PDZD2: variants seen among roughly 807,000 people sequenced by gnomAD.
PDZD2 encodes the protein PDZ domain containing 2.
PDZD2 carries 90 observed loss-of-function variants against 220.7 expected under a neutral mutation model. That is an observed-to-expected ratio of 0.41 (90% CI 0.34 to 0.49). PDZD2 has a LOEUF of 0.49. Ranked by LOEUF, PDZD2 falls within the 20% of genes least tolerant of loss-of-function variation. The pLI, the probability that PDZD2 is intolerant of heterozygous loss-of-function variation, is 0.28. For synonymous variants in PDZD2, 1,375 were observed against 1,450.5 expected (o/e 0.95, Z 1.18); for missense variants, 3,174 against 3,608.5 (o/e 0.88, Z 3.08).
chr5:31,732,203 GC>G (rs1749575134), intron 1 of PDZD2, among the ~76,000 whole-genome samples: 1 of 152,124 alleles, frequency 6.6e-6, no homozygotes, highest in Admixed American at 6.5e-5. Context: ...CTACAGAGAA[GC>G]TTTTTTAAAC....
chr5:31,931,002 GAACC>G (rs1343896276), intron 2 of PDZD2, among the ~76,000 whole-genome samples: 2 of 152,128 alleles, frequency 1.3e-5, no homozygotes. Flanking sequence ...ACAGGAGGGG[GAACC>G]TGTCTGAGGG....
At chr5:31,708,991 G>A (rs535484203) in intron 1 of PDZD2, among the ~76,000 whole-genome samples, 40 of 151,800 alleles carry the variant, frequency 2.6e-4, no homozygotes, top group African/African-American at 8.7e-4. Context: ...GGGTTCAAGC[G>A]ATTCTCCTGC....
chr5:31,736,935 C>T (rs1362593026), intron 1 of PDZD2, among the ~76,000 whole-genome samples: 3 of 148,568 alleles, frequency 2.0e-5, no homozygotes, highest in Middle Eastern at 3.4e-3. Context: ...CACCATGGGA[C>T]GTGCTTGCTC....
intron 10 of PDZD2, among the ~76,000 whole-genome samples, chr5:32,055,838 T>C (rs1226792897): frequency 6.6e-6 from 1 of 152,246 alleles, no homozygotes; most frequent in Non-Finnish European, 1.5e-5. Flanking sequence ...GTGGTGTTTG[T>C]GTTGAGTTTT....
At chr5:31,879,930 T>TA (rs1554088140) in intron 2 of PDZD2, among the ~76,000 whole-genome samples, 21 of 149,426 alleles carry the variant, frequency 1.4e-4, no homozygotes, top group Non-Finnish European at 3.0e-4. Flanking sequence ...TTTTTTTTTT[T>TA]AACACGGATT....
rs374117473 is a variant in PDZD2 at position 32,088,485 on chromosome 5, T to C, written c.5037T>C (p.His1679=). 1 of 1,614,108 alleles carries C rather than the reference T, an allele frequency of 6.2e-7. No homozygotes were observed. The highest frequency in any genetic ancestry group is 8.5e-7 in the Non-Finnish European group (1 of 1,180,022). The change falls in exon 20 of 25, where the codon CAT becomes CAC. Residue 1679 remains histidine, a synonymous_variant. Transcript: ENST00000438447. The surrounding 1 kb of genome is among the most constrained non-coding windows in gnomAD (Gnocchi z 4.6). ...TGAGCTCTCAGGAGCATGAAACTCA[T>C]GCGGACATAAGCACTTCACAGAACC... is the stretch of plus-strand genomic sequence containing the variant. The part of the protein sequence containing the change: ...LEMSSQEHET[H]ADISTSQNHR...
intron 6 of PDZD2, among the ~76,000 whole-genome samples, chr5:32,031,377 A>G (rs1755102554): frequency 6.6e-6 from 1 of 152,112 alleles, no homozygotes; most frequent in African/African-American, 2.4e-5. Flanking sequence ...CACTACGCCT[A>G]TTCTGATCAG....
intron 5 of PDZD2, among the ~76,000 whole-genome samples, chr5:32,003,449 C>T: frequency 8.7e-6 from 1 of 115,134 alleles, no homozygotes; most frequent in Non-Finnish European, 1.8e-5. Flanking sequence ...TACACACTCC[C>T]CCCAACACAC....
intron 2 of PDZD2, among the ~76,000 whole-genome samples, chr5:31,920,177 G>A (rs920336847): frequency 4.8e-5 from 7 of 146,346 alleles, no homozygotes; most frequent in East Asian, 3.9e-4. Context: ...CCAGCTACTC[G>A]GGGGGCTAAG....
rs181395068 is a variant in PDZD2, at chr5:31,649,653, G to A, written c.-361+10216G>A. 1.9e-4 allele frequency among the ~76,000 whole-genome samples: 29 copies of A among 152,042 alleles called. No individual in the cohort carries two copies. The East Asian group carries it at 4.7e-3, about 24-fold the overall frequency. The stretch of plus-strand genomic sequence containing the variant: ...AAGAGGGTTTAAAATATCAAGTCTC[G>A]GCTGGGCGCGGCAGCGCATGCCTGT... On this transcript the variant is annotated intron_variant, in intron 1 of 24. Coordinates refer to ENST00000438447, the MANE Select transcript of PDZD2 (RefSeq NM_178140.4).
intron 2 of PDZD2, among the ~76,000 whole-genome samples, chr5:31,830,353 T>C (rs1469997310): frequency 7.2e-6 from 1 of 139,680 alleles, no homozygotes. Flanking sequence ...TTTTTTTGTA[T>C]TTTTAGTAGA....
intron 3 of PDZD2, among the ~76,000 whole-genome samples, chr5:31,984,921 A>G (rs552293683): frequency 1.3e-5 from 2 of 152,284 alleles, no homozygotes; most frequent in Non-Finnish European, 2.9e-5. Flanking sequence ...CCAAATGTAC[A>G]ATGGGTTGAA....
intron 1 of PDZD2, among the ~76,000 whole-genome samples, chr5:31,696,047 C>T (rs144462693): frequency 0.035 from 5,355 of 152,198 alleles, 127 homozygotes; most frequent in Middle Eastern, 0.058. Context: ...GTGCCCCCCT[C>T]AGCTTGTACA....
intron 2 of PDZD2, among the ~76,000 whole-genome samples, chr5:31,898,808 CTT>C (rs35589628): frequency 0.035 from 4,321 of 123,476 alleles, 210 homozygotes; most frequent in African/African-American, 0.12. Flanking sequence ...AGCCTCTCTT[CTT>C]TTTTTTTTTT....
At chr5:31,859,260 CTG>C (rs1257104924) in intron 2 of PDZD2, among the ~76,000 whole-genome samples, 1 of 152,182 alleles carries the variant, frequency 6.6e-6, no homozygotes, top group Non-Finnish European at 1.5e-5. Context: ...TTGGCTGGCT[CTG>C]TGTCAATTAA....
intron 19 of PDZD2, among the ~76,000 whole-genome samples, chr5:32,078,979 G>T (rs1207204091): frequency 1.3e-5 from 2 of 151,882 alleles, no homozygotes; most frequent in East Asian, 1.9e-4. Context: ...ATTCTGGTGG[G>T]GCGCGGTGGC....
intron 19 of PDZD2, among the ~76,000 whole-genome samples, chr5:32,085,612 A>G (rs1341079405): frequency 1.3e-5 from 2 of 149,836 alleles, no homozygotes; most frequent in East Asian, 2.0e-4. Flanking sequence ...CACTCAGCTA[A>G]TTTTTGTATT....
chr5:31,745,202 A>G (rs1580671714), intron 1 of PDZD2, among the ~76,000 whole-genome samples: 1 of 152,286 alleles, frequency 6.6e-6, no homozygotes, highest in East Asian at 1.9e-4. Context: ...TATTTTTCAT[A>G]TTAATAAAGA....
chr5:31,757,924 A>C (rs1751396633), intron 1 of PDZD2, among the ~76,000 whole-genome samples: 1 of 152,184 alleles, frequency 6.6e-6, no homozygotes, highest in African/African-American at 2.4e-5. Context: ...TGCCCTATAA[A>C]GTGCTCTGGC....
Sources: gnomAD v4.1 joint callset for allele counts (sites outside exome capture counted in the v4.1 genomes callset) on GRCh38, gnomAD v4.1.1 for gene constraint, Gnocchi (gnomAD v3.1) non-coding constraint, MANE v1.5 for transcripts, NCBI Gene and HGNC (gene_info 2026-07-23, HGNC 2026-07-21) for gene names.